Variants in FGD3 observed in about 807,000 individuals in gnomAD.
FGD3 encodes the protein FYVE, RhoGEF and PH domain containing 3.
Under a neutral mutation model 71.8 loss-of-function variants are expected in FGD3, and 45 were observed. The observed-to-expected ratio is 0.63, with a 90% CI of 0.49 to 0.80. The LOEUF (loss-of-function observed/expected upper bound fraction) is 0.80, where lower values mean the gene tolerates loss of function less well. FGD3 is among the 30% of genes least tolerant of loss of function. The pLI, the probability that FGD3 is intolerant of heterozygous loss-of-function variation, is 0.00. For missense variants in FGD3, 844 were observed against 951.5 expected (o/e 0.89, Z 1.49); for synonymous variants, 378 against 392.8 (o/e 0.96, Z 0.44).
intron 3 of FGD3, among the ~76,000 whole-genome samples, chr9:92,982,840 C>T (rs1564149768): frequency 6.6e-6 from 1 of 152,146 alleles, no homozygotes; most frequent in African/African-American, 2.4e-5. Flanking sequence ...AATCCCAGCA[C>T]TTTGAGAGGC....
intron 5 of FGD3, among the ~76,000 whole-genome samples, chr9:93,005,020 C>A (rs1860999543): frequency 6.6e-6 from 1 of 152,210 alleles, no homozygotes; most frequent in South Asian, 2.1e-4. Flanking sequence ...GACAGGTTTT[C>A]TCCTGCAAGG....
chr9:93,032,491 G>C (rs530600845), intron 15 of FGD3: 6 of 386,486 alleles, frequency 1.6e-5, no homozygotes, highest in Non-Finnish European at 2.9e-5. Flanking sequence ...TGTGCTTGGT[G>C]GCTCTTCACA....
chr9:93,012,825 CTG>C (rs1861487604), intron 8 of FGD3, among the ~76,000 whole-genome samples: 1 of 152,204 alleles, frequency 6.6e-6, no homozygotes, highest in Non-Finnish European at 1.5e-5. Flanking sequence ...TGGACTGGCT[CTG>C]TGCTCACCCA....
rs769879418 is a variant in FGD3, at chr9:92,954,882, C to A, written c.-218+7153C>A. ...TTGACATTTCCTCCACCTCTCTGAA[C>A]CACAGCTTTGTCTTCTGGAAAAGGA... On this transcript the variant is annotated intron_variant, in intron 1 of 17. Transcript: ENST00000375482. Among the ~76,000 whole-genome samples the A allele has an allele frequency of 2.2e-4, 33 of 152,184 alleles. 1 individual carries two copies. The highest frequency in any genetic ancestry group is 3.4e-4 in the Non-Finnish European group (23 of 68,030).
In FGD3 at chr9:93,011,244, A is replaced by G. The variant is rs764091842; in HGVS notation, c.1007A>G (p.Asn336Ser). Reference protein sequence around the residue: ...RSLELISTAANHSNAAIRKVE... With the variant: ...RSLELISTAASHSNAAIRKVE... ...TTGGAGCTCATCTCCACAGCCGCCA[A>G]CCACTCCAATGCTGCCATTCGGAAA... Residue 336 changes from asparagine to serine, a missense_variant, in exon 8 of 18, where the codon AAC (asparagine) becomes AGC (serine). By Grantham distance (46) the Asn-to-Ser change is conservative. Transcript: ENST00000375482. 1.9e-6 allele frequency: 3 copies of G among 1,614,166 alleles called. No homozygotes were observed. The highest frequency in any genetic ancestry group is 1.1e-5 in the South Asian group (1 of 91,092).
chr9:92,949,791 G>T, intron 1 of FGD3, among the ~76,000 whole-genome samples: 1 of 152,146 alleles, frequency 6.6e-6, no homozygotes. Flanking sequence ...ACCCCTGTTC[G>T]AGTGTGCCAG....
chr9:92,976,863 G>T (rs927137458), intron 3 of FGD3, among the ~76,000 whole-genome samples, 154 bp downstream of exon 3: 2 of 152,140 alleles, frequency 1.3e-5, no homozygotes, highest in African/African-American at 4.8e-5. Flanking sequence ...GATGCAGTCT[G>T]CCCTAGAAAA....
chr9:92,998,108 A>G (rs1041560487), intron 3 of FGD3, among the ~76,000 whole-genome samples: 9 of 152,312 alleles, frequency 5.9e-5, no homozygotes, highest in African/African-American at 1.4e-4. Flanking sequence ...AGGTACACCA[A>G]TCAGACAGAG....
intron 10 of FGD3, among the ~76,000 whole-genome samples, chr9:93,016,952 A>G (rs896617677): frequency 2.6e-5 from 4 of 152,216 alleles, no homozygotes; most frequent in Admixed American, 2.6e-4. Context: ...AACACTAGAA[A>G]AGTGGTTTCT....
At chr9:93,005,217 G>A (rs575051273) in intron 5 of FGD3, among the ~76,000 whole-genome samples, 332 of 152,218 alleles carry the variant, frequency 2.2e-3, no homozygotes, top group Non-Finnish European at 4.1e-3. Flanking sequence ...CTGCCTCCTG[G>A]GTTCACACCA....
intron 14 of FGD3, among the ~76,000 whole-genome samples, chr9:93,029,220 T>C (rs937444298): frequency 2.6e-5 from 4 of 151,868 alleles, no homozygotes; most frequent in Non-Finnish European, 5.9e-5. Context: ...GTATATTTTT[T>C]AGTAGAGGTG....
chr9:92,981,854 T>A (rs1415713979), intron 3 of FGD3, among the ~76,000 whole-genome samples: 1 of 152,180 alleles, frequency 6.6e-6, no homozygotes, highest in Non-Finnish European at 1.5e-5. Flanking sequence ...TCTTTTTTTT[T>A]AAAGTGACAG....
At chr9:92,971,859 C>T (rs1293535808) in intron 1 of FGD3, among the ~76,000 whole-genome samples, 1 of 151,728 alleles carries the variant, frequency 6.6e-6, no homozygotes, top group East Asian at 1.9e-4. Flanking sequence ...AAATTATCAC[C>T]ACAATCAAGG....
chr9:92,995,452 T>C (rs1463817624), intron 3 of FGD3, among the ~76,000 whole-genome samples: 3 of 152,336 alleles, frequency 2.0e-5, no homozygotes, highest in Admixed American at 1.3e-4. Context: ...TTTTCCTAAT[T>C]GAATATGCTT....
intron 6 of FGD3, among the ~76,000 whole-genome samples, chr9:93,008,992 C>T (rs983740078): frequency 5.3e-5 from 8 of 150,016 alleles, no homozygotes; most frequent in African/African-American, 1.7e-4. Context: ...TGGCCAGGCG[C>T]GATGGCTCAC....
chr9:92,967,334 A>G (rs1024989289), intron 1 of FGD3, among the ~76,000 whole-genome samples: 6 of 152,036 alleles, frequency 3.9e-5, no homozygotes, highest in Non-Finnish European at 8.8e-5. Flanking sequence ...CATCACTGCC[A>G]TCCATCTCCA....
At position 92,971,539 on chromosome 9, in the gene FGD3, GA is replaced by G. The variant is rs1564144505; in HGVS notation, c.-217-3698del. On this transcript the variant is annotated intron_variant, in intron 1 of 17. Coordinates refer to ENST00000375482, the MANE Select transcript of FGD3 (RefSeq NM_001083536.2). ...TACAGTTCAAAGGCGATAAGGGTGG[GA>G]TTTTTCTTTTCTTTTCTTTTCTTTT... Among the ~76,000 whole-genome samples the G allele has an allele frequency of 5.5e-5, 8 of 144,618 alleles. No individual in the cohort carries two copies. The East Asian group carries it at 1.4e-3, about 25-fold the overall frequency. 94.9% of individuals were successfully genotyped at this position (144,618 alleles called of 152,430 possible).
At chr9:92,960,661 A>T (rs1323647026) in intron 1 of FGD3, among the ~76,000 whole-genome samples, 2 of 152,126 alleles carry the variant, frequency 1.3e-5, no homozygotes, top group African/African-American at 2.4e-5. Context: ...AGTGCTGGCA[A>T]TGGGAGAGTT....
chr9:92,953,051 G>T (rs750370895), intron 1 of FGD3, among the ~76,000 whole-genome samples: 1 of 152,126 alleles, frequency 6.6e-6, no homozygotes, highest in Admixed American at 6.6e-5. Context: ...GAAAGGACCC[G>T]CACCTCCCTG....
Sources: allele counts gnomAD v4.1 joint callset (sites outside exome capture counted in the v4.1 genomes callset), GRCh38; gene constraint gnomAD v4.1.1; transcripts MANE v1.5; gene names NCBI Gene and HGNC (gene_info 2026-07-23, HGNC 2026-07-21).